Variants in BCL9L observed in about 807,000 individuals in gnomAD.
BCL9L encodes the protein BCL9 like, also known as B-cell CLL/lymphoma 9-like protein.
Under a neutral mutation model 99.4 loss-of-function variants are expected in BCL9L, and 19 were observed. That is an observed-to-expected ratio of 0.19 (90% CI 0.13 to 0.28). The LOEUF (loss-of-function observed/expected upper bound fraction) is 0.28. Ranked by LOEUF, BCL9L falls within the 10% of genes least tolerant of loss-of-function variation. The probability of loss-of-function intolerance (pLI) is 1.00; values close to 1 mark genes in which losing one functional copy is unlikely to be tolerated. For missense variants in BCL9L, 2,023 were observed against 2,101.6 expected, an observed-to-expected ratio of 0.96 and a Z score of 0.73; for synonymous variants, 900 against 854.8, an observed-to-expected ratio of 1.05 and a Z score of -0.92.
Position 118,922,671 on chromosome 11 carries a change from G to A in BCL9L, c.-131+2567C>T, listed in dbSNP as rs938914419. 8.5e-5 allele frequency among the ~76,000 whole-genome samples: 13 copies of A among 152,136 alleles called. No individual in the cohort carries two copies. Among genetic ancestry groups the A allele is most frequent in the Admixed American group, 4.6e-4 (7 of 15,292 alleles). ...CTCCCACGGCTGCCCACTTTCCCAC[G>A]GTGCCATCCCCCTTCTGCCCCCTCC... is the stretch of plus-strand genomic sequence containing the variant. On this transcript the variant is annotated intron_variant, in intron 1 of 9. Coordinates refer to ENST00000683865, the MANE Select transcript of BCL9L (RefSeq NM_001378213.1). This position sits in a 1 kb window ranked among gnomAD's most constrained non-coding sequence, Gnocchi z 6.2.
In BCL9L at chr11:118,899,943, G is replaced by T. The variant is rs139987150; in HGVS notation, c.3380C>A (p.Pro1127Gln). 5.8e-4 allele frequency: 927 copies of T among 1,611,760 alleles called. No individual in the cohort carries two copies. Among genetic ancestry groups the T allele is most frequent in the Non-Finnish European group, 7.1e-4 (842 of 1,179,186 alleles). Residue 1127 changes from proline to glutamine, a missense_variant, in exon 9 of 10, where the codon CCA (proline) becomes CAA (glutamine). Around this residue, in one of 3 missense-constraint regions of BCL9L, gnomAD observed 902 missense variants for 888.2 expected, o/e 1.02. Coordinates refer to ENST00000683865, the MANE Select transcript of BCL9L (RefSeq NM_001378213.1). ...TGGCCCGGAGCCCTGCGGTGGTGGT[G>T]GGGGGGGCAGCAGGGGCCGGTCGGG... ...LLPDRPLLPP[P>Q]PPPQGSGPGI... is the part of the protein sequence containing the mutation.
At chr11:118,908,198 G>C in intron 4 of BCL9L, 72 bp downstream of exon 4, 1 of 1,499,718 alleles carries the variant, frequency 6.7e-7, no homozygotes, top group Non-Finnish European at 8.9e-7. Context: ...GAGCAGAGAG[G>C]TGATCTCCCA....
In BCL9L at chr11:118,897,920, G is replaced by T. The variant is rs760831278; in HGVS notation, c.*495C>A. The T allele has an allele frequency of 8.8e-6, 4 of 452,620 alleles. 1 individual carries two copies. The highest frequency in any genetic ancestry group is 6.3e-5 in the South Asian group (4 of 63,564). The allele number at this position is 452,620 out of a possible 1,614,324, so 28.0% of individuals were successfully genotyped here. A position where few individuals can be genotyped will look rare whatever the true frequency, so the allele number is the denominator to read the frequency against. ...GGGGTCAGCCACATCAGCAGGGAAAGGATACGAAGCAGGTAAAGACAGAAG... is the reference window on the plus strand; with the variant it reads ...GGGGTCAGCCACATCAGCAGGGAAATGATACGAAGCAGGTAAAGACAGAAG... On this transcript the variant is annotated 3_prime_UTR_variant, in exon 10 of 10. Coordinates refer to ENST00000683865, the MANE Select transcript of BCL9L (RefSeq NM_001378213.1).
chr11:118,919,103 T>TCC, intron 1 of BCL9L, among the ~76,000 whole-genome samples: 1 of 9,784 alleles, frequency 1.0e-4, no homozygotes, highest in African/African-American at 4.6e-4. Flanking sequence ...GCTGCACCGC[T>TCC]GCCCCCCCCC....
intron 2 of BCL9L, chr11:118,911,178 C>T (rs1223962873): frequency 4.4e-6 from 2 of 453,070 alleles, no homozygotes; most frequent in East Asian, 7.0e-5. Context: ...AGCCCTGGCT[C>T]CCCCCTCGCC....
intron 2 of BCL9L, among the ~76,000 whole-genome samples, chr11:118,915,620 G>A (rs1940941438): frequency 1.3e-5 from 2 of 152,132 alleles, no homozygotes; most frequent in Admixed American, 1.3e-4. Context: ...CTTAGCCTCA[G>A]GACCATGTCT....
rs745531554 is a variant in BCL9L at position 118,900,074 on chromosome 11, G to A, written c.3249C>T (p.Pro1083=). ...ACATCTGGGTCATCATCAGTGACAGGGGGTTCTGGGAAGGTGTGGGGTCTG... is the reference window on the plus strand; with the variant it reads ...ACATCTGGGTCATCATCAGTGACAGAGGGTTCTGGGAAGGTGTGGGGTCTG... The part of the protein sequence containing the change: ...SSPDPTPSQN[P]LSLMMTQMSK... The change falls in exon 9 of 10, where the codon CCC becomes CCT. Residue 1083 remains proline (P), a synonymous_variant. Transcript: ENST00000683865. This position sits in a 1 kb window ranked among gnomAD's most constrained non-coding sequence, Gnocchi z 5.3. The A allele has an allele frequency of 3.7e-5, 60 of 1,613,902 alleles. No homozygotes were observed. The highest frequency in any genetic ancestry group is 4.1e-5 in the Non-Finnish European group (48 of 1,179,970).
In BCL9L at chr11:118,918,316, C is replaced by T. The variant is rs77825533; in HGVS notation, c.-77+510G>A. Among the ~76,000 whole-genome samples, 138 of 151,044 alleles carry T rather than the reference C, an allele frequency of 9.1e-4. 3 individuals are homozygous for T. The East Asian group carries it at 0.025, about 27-fold the overall frequency. On this transcript the variant is annotated intron_variant, in intron 2 of 9. Coordinates refer to ENST00000683865, the MANE Select transcript of BCL9L (RefSeq NM_001378213.1). ...CTGTGTGTCTGTGTGTGTACACGCA[C>T]GCATGTGTACGCTAGGGGACCAGGG...
At chr11:118,913,772 A>G (rs1292696639) in intron 2 of BCL9L, among the ~76,000 whole-genome samples, 3 of 148,330 alleles carry the variant, frequency 2.0e-5, no homozygotes, top group Middle Eastern at 3.5e-3. Context: ...AGCCCAGGGC[A>G]AGGGAGGAGC....
intron 4 of BCL9L, 70 bp from the exon 5 acceptor site, chr11:118,907,672 T>A: frequency 6.3e-7 from 1 of 1,586,378 alleles, no homozygotes; most frequent in Non-Finnish European, 8.5e-7. Flanking sequence ...CCAGGGTCCC[T>A]CCCAGATCCA....
Position 118,898,762 on chromosome 11 carries a change from G to C in BCL9L, c.4153C>G (p.Arg1385Gly), listed in dbSNP as rs780991008. The part of the protein sequence containing the change: ...PNLPGQQGVQ[R>G]GLNMSMCHPG... The stretch of plus-strand genomic sequence containing the variant: ...TGGCACATGGACATGTTGAGCCCCC[G>C]CTGGACGCCCTGCTGGCCTGGGAGG... The change falls in exon 10 of 10, where the codon CGG (arginine) becomes GGG (glycine). Residue 1385 changes from arginine (R) to glycine (G), a missense_variant. Coordinates refer to ENST00000683865, the MANE Select transcript of BCL9L (RefSeq NM_001378213.1). 6 of 1,613,684 alleles carry C rather than the reference G, an allele frequency of 3.7e-6. No homozygotes were observed. In the South Asian group the frequency reaches 6.6e-5, roughly 18 times the overall value.
Position 118,898,866 on chromosome 11 carries a change from G to T in BCL9L, c.4049C>A (p.Pro1350His), listed in dbSNP as rs189893252. The change falls in exon 10 of 10, where the codon CCC (proline) becomes CAC (histidine). Residue 1350 changes from proline to histidine, a missense_variant. Coordinates refer to ENST00000683865, the MANE Select transcript of BCL9L (RefSeq NM_001378213.1). ...QYFPKSENQPPKAQPPNLHLM... is the reference protein window; with the variant it reads ...QYFPKSENQPHKAQPPNLHLM... ...ATGCAGATTAGGGGGCTGAGCCTTG[G>T]GGGGCTGGTTCTCGCTCTTGGGGAA... 6.2e-7 allele frequency: 1 copy of T among 1,614,094 alleles called. No homozygotes were observed. Among genetic ancestry groups the T allele is most frequent in the South Asian group, 1.1e-5 (1 of 91,084 alleles).
At position 118,896,655 on chromosome 11, in the gene BCL9L, G is replaced by C. The variant is rs1279396701; in HGVS notation, c.*1760C>G. On this transcript the variant is annotated 3_prime_UTR_variant, in exon 10 of 10. Coordinates refer to ENST00000683865, the MANE Select transcript of BCL9L (RefSeq NM_001378213.1). ...AGAGGAAGCGCTGGACCTGGCCGAT[G>C]GTGGGCCGAGAGGACAGCACCAGGC... 1 of 152,940 alleles carries C rather than the reference G, an allele frequency of 6.5e-6. No individual in the cohort carries two copies. Among genetic ancestry groups the C allele is most frequent in the Non-Finnish European group, 1.5e-5 (1 of 68,232 alleles). The allele number at this position is 152,940 out of a possible 1,614,324, so 9.5% of individuals were successfully genotyped here.
rs1448489113 is a variant in BCL9L, at chr11:118,901,938, C to T, written c.1805G>A (p.Arg602His). ...LRGGPPFPGP[R>H]FPGNQIQRVP... ...CCGTTGTATCTGGTTGCCTGGGAAA[C>T]GGGGCCCAGGAAAGGGAGGTCCGCC... Residue 602 changes from arginine to histidine, a missense_variant, in exon 8 of 10, where the codon CGT becomes CAT. By Grantham distance (29) the Arg-to-His change is conservative (BLOSUM62 0). Transcript: ENST00000683865. This position sits in a 1 kb window ranked among gnomAD's most constrained non-coding sequence, Gnocchi z 6.6. The T allele has an allele frequency of 6.8e-5, 110 of 1,613,082 alleles. No individual in the cohort carries two copies. The highest frequency in any genetic ancestry group is 8.9e-5 in the Non-Finnish European group (105 of 1,179,654).
chr11:118,918,942 T>G (rs1941056021), intron 1 of BCL9L, 63 bp from the exon 2 acceptor site: 1 of 151,648 alleles, frequency 6.6e-6, no homozygotes, highest in Admixed American at 6.6e-5. Flanking sequence ...GCTCCTCCCA[T>G]CACCCCAGCA....
rs1298734011 is a variant in BCL9L, at chr11:118,920,580, A to C, written c.-130-1701T>G. Among the ~76,000 whole-genome samples the C allele has an allele frequency of 3.4e-4, 51 of 152,114 alleles. 1 individual carries two copies. Among genetic ancestry groups the C allele is most frequent in the Admixed American group, 3.3e-3 (51 of 15,276 alleles). On this transcript the variant is annotated intron_variant, in intron 1 of 9. Coordinates refer to ENST00000683865, the MANE Select transcript of BCL9L (RefSeq NM_001378213.1). ...TGTGATTGGCTGTTCCTTGCCCTCAATGAACAAGTGACCCCAGAGTGGGGG... is the reference window on the plus strand; with the variant it reads ...TGTGATTGGCTGTTCCTTGCCCTCACTGAACAAGTGACCCCAGAGTGGGGG...
Position 118,898,501 on chromosome 11 carries a change from G to T in BCL9L, c.4414C>A (p.His1472Asn). 2 of 1,603,058 alleles carry T rather than the reference G, an allele frequency of 1.2e-6. No homozygotes were observed. Among genetic ancestry groups the T allele is most frequent in the Non-Finnish European group, 1.7e-6 (2 of 1,172,252 alleles). ...GACACACTGCGCTGCCGAAGGGGGTGGGACACCATGAGGTTCTGCTGGGGC... is the reference window on the plus strand; with the variant it reads ...GACACACTGCGCTGCCGAAGGGGGTTGGACACCATGAGGTTCTGCTGGGGC... ...PPPQQNLMVSHPLRQRSVSLD... is the reference protein window; with the variant it reads ...PPPQQNLMVSNPLRQRSVSLD... Residue 1472 changes from histidine (H) to asparagine (N), a missense_variant, in exon 10 of 10, where the codon CAC becomes AAC. Physicochemically the swap from His to Asn is moderately conservative, Grantham distance 68 (BLOSUM62 1). This residue lies in a region of BCL9L where 902 missense variants were observed against 888.2 expected (regional missense o/e 1.02). Coordinates refer to ENST00000683865, the MANE Select transcript of BCL9L (RefSeq NM_001378213.1).
Position 118,900,758 on chromosome 11 carries a change from G to T in BCL9L, c.2985C>A (p.Leu995=). The T allele has an allele frequency of 6.2e-7, 1 of 1,613,800 alleles. No individual in the cohort carries two copies. Among genetic ancestry groups the T allele is most frequent in the Non-Finnish European group, 8.5e-7 (1 of 1,179,936 alleles). Residue 995 remains leucine, a synonymous_variant, in exon 8 of 10, where the codon CTC becomes CTA. Transcript: ENST00000683865. The surrounding 1 kb of genome is among the most constrained non-coding windows in gnomAD (Gnocchi z 5.3). Reference sequence around the variant, plus strand: ...AAGGCACCGCCATGGAAGGAGACTTGAGCCTGCTGGGCGAGCCAGTGGGTG... The same window carrying T: ...AAGGCACCGCCATGGAAGGAGACTTTAGCCTGCTGGGCGAGCCAGTGGGTG... ...VRSPTGSPSR[L]KSPSMAVPSP...
intron 2 of BCL9L, among the ~76,000 whole-genome samples, chr11:118,913,519 C>T (rs1940873329): frequency 6.6e-6 from 1 of 152,152 alleles, no homozygotes; most frequent in Non-Finnish European, 1.5e-5. Context: ...TGGGGTGCCC[C>T]CAAAGACAGC....
Sources: allele counts gnomAD v4.1 joint callset (sites outside exome capture counted in the v4.1 genomes callset), GRCh38; gene constraint gnomAD v4.1.1; regional missense constraint gnomAD v4.1.1; non-coding constraint Gnocchi (gnomAD v3.1); transcripts MANE v1.5; gene names NCBI Gene and HGNC (gene_info 2026-07-23, HGNC 2026-07-21).